The following CTTNBP2 variants were observed in gnomAD, a reference collection of about 807,000 sequenced individuals.
CTTNBP2 encodes the protein cortactin-binding protein 2.
In CTTNBP2, 108 loss-of-function variants were observed where a neutral mutation model predicts 156.9. That is an observed-to-expected ratio of 0.69 (90% CI 0.59 to 0.81). CTTNBP2 has a LOEUF of 0.81. Ranked by LOEUF, CTTNBP2 falls within the 30% of genes least tolerant of loss-of-function variation. CTTNBP2 has a pLI of 0.00. For synonymous variants in CTTNBP2, 767 were observed against 751.8 expected (o/e 1.02, Z -0.33); for missense variants, 1,924 against 2,035.4 (o/e 0.95, Z 1.05).
rs367646098 is a variant in CTTNBP2 at position 117,821,336 on chromosome 7, TTTG to T, written c.190-10350_190-10348del. The stretch of plus-strand genomic sequence containing the variant: ...ATTATGTTGGCTGTGTGGTTTTTTT[TTTG>T]TTGTTGTTTTTCAGTTTTCTTTTTG... On this transcript the variant is annotated intron_variant, in intron 2 of 22. Coordinates refer to ENST00000160373, the MANE Select transcript of CTTNBP2 (RefSeq NM_033427.3). Among the ~76,000 whole-genome samples, 1,485 of 152,132 alleles carry T rather than the reference TTTG, an allele frequency of 9.8e-3. 22 individuals carry two copies. The highest frequency in any genetic ancestry group is 0.034 in the African/African-American group (1,406 of 41,544).
In CTTNBP2 at chr7:117,839,849, G is replaced by C. The variant is rs532153818; in HGVS notation, c.189+21360C>G. Among the ~76,000 whole-genome samples, 7 of 152,228 alleles carry C rather than the reference G, an allele frequency of 4.6e-5. No individual in the cohort carries two copies. The South Asian group carries it at 1.5e-3, about 32-fold the overall frequency. On this transcript the variant is annotated intron_variant, in intron 2 of 22. Transcript: ENST00000160373. ...AAAATTTCCCTAAAATAGTTTTAAA[G>C]TAGGCTTTATCTATAAAACTTTTTA...
chr7:117,764,588 A>G (rs1475959418), intron 9 of CTTNBP2, among the ~76,000 whole-genome samples: 1 of 152,184 alleles, frequency 6.6e-6, no homozygotes, highest in Non-Finnish European at 1.5e-5. Context: ...ATGGTTTTAT[A>G]TTATGTGTCC....
chr7:117,861,059 G>C lies in CTTNBP2; in HGVS notation c.189+150C>G, dbSNP rs79577132. 2.5e-3 allele frequency: 1,554 copies of C among 609,934 alleles called. 14 individuals carry two copies. The highest frequency in any genetic ancestry group is 0.022 in the African/African-American group (1,177 of 53,808). The allele number at this position is 609,934 out of a possible 1,614,324, so 37.8% of individuals were successfully genotyped here. ...TTTGTTTGGGCTTATAAAAGTTATGGGTTAGTGTTTGGGGTGAAGAGCACA... is the reference window on the plus strand; with the variant it reads ...TTTGTTTGGGCTTATAAAAGTTATGCGTTAGTGTTTGGGGTGAAGAGCACA... On this transcript the variant is annotated intron_variant, in intron 2 of 22. Coordinates refer to ENST00000160373, the MANE Select transcript of CTTNBP2 (RefSeq NM_033427.3).
At chr7:117,753,904 C>T (rs971544535) in intron 12 of CTTNBP2, among the ~76,000 whole-genome samples, 8 of 152,216 alleles carry the variant, frequency 5.3e-5, no homozygotes, top group Admixed American at 1.3e-4. Context: ...TACCCCAGAA[C>T]GTAAAATAAA....
chr7:117,765,613 C>T (rs1350226127), intron 9 of CTTNBP2, among the ~76,000 whole-genome samples: 1 of 152,176 alleles, frequency 6.6e-6, no homozygotes, highest in Non-Finnish European at 1.5e-5. Flanking sequence ...TCTCCCATAT[C>T]AGTCTTTATT....
intron 22 of CTTNBP2, among the ~76,000 whole-genome samples, chr7:117,717,200 T>TA (rs1794451847): frequency 6.6e-6 from 1 of 152,232 alleles, no homozygotes; most frequent in African/African-American, 2.4e-5. Context: ...TGGAAGCTAT[T>TA]TCAAAAGGTT....
At chr7:117,807,963 A>T (rs1449529008) in intron 3 of CTTNBP2, among the ~76,000 whole-genome samples, 1 of 152,206 alleles carries the variant, frequency 6.6e-6, no homozygotes, top group Non-Finnish European at 1.5e-5. Context: ...ACCAGCTCAA[A>T]ACTAAGAATC....
At chr7:117,813,260 C>T (rs531065745) in intron 2 of CTTNBP2, among the ~76,000 whole-genome samples, 5 of 152,184 alleles carry the variant, frequency 3.3e-5, no homozygotes, top group Non-Finnish European at 7.3e-5. Context: ...TCAATGTAGG[C>T]CATAAATGTA....
chr7:117,758,167 G>A, intron 10 of CTTNBP2, 197 bp from the exon 11 acceptor site: 1 of 553,944 alleles, frequency 1.8e-6, no homozygotes, highest in East Asian at 2.9e-5. Flanking sequence ...TGAAAGGAAG[G>A]CTTTCAATCT....
intron 2 of CTTNBP2, among the ~76,000 whole-genome samples, chr7:117,811,361 C>T (rs1276704860): frequency 6.6e-6 from 1 of 152,060 alleles, no homozygotes; most frequent in Admixed American, 6.6e-5. Context: ...AATGCAGTGG[C>T]ACAATCACAG....
At chr7:117,850,348 GA>G (rs1358199183) in intron 2 of CTTNBP2, among the ~76,000 whole-genome samples, 1 of 152,194 alleles carries the variant, frequency 6.6e-6, no homozygotes, top group African/African-American at 2.4e-5. Flanking sequence ...GGTTGACAGA[GA>G]CCCCTTCTTA....
chr7:117,840,100 G>C (rs1420581090), intron 2 of CTTNBP2, among the ~76,000 whole-genome samples: 1 of 151,908 alleles, frequency 6.6e-6, no homozygotes, highest in African/African-American at 2.4e-5. Context: ...AAATATCTAG[G>C]GTATATTTTA....
chr7:117,780,874 G>A (rs1450027684), intron 6 of CTTNBP2, among the ~76,000 whole-genome samples: 2 of 152,152 alleles, frequency 1.3e-5, no homozygotes, highest in Admixed American at 6.5e-5. Flanking sequence ...ACTTGTGAAA[G>A]TAGAGTCCTT....
chr7:117,770,020 C>T (rs1187944759), intron 8 of CTTNBP2, among the ~76,000 whole-genome samples: 1 of 152,194 alleles, frequency 6.6e-6, no homozygotes, highest in East Asian at 1.9e-4. Context: ...TTCTTATATT[C>T]TTGGCCTGTA....
At chr7:117,789,072 A>C (rs1471801705) in intron 4 of CTTNBP2, among the ~76,000 whole-genome samples, 1 of 152,162 alleles carries the variant, frequency 6.6e-6, no homozygotes, top group Admixed American at 6.5e-5. Context: ...CTTTTATGTA[A>C]AATTTTACTG....
intron 2 of CTTNBP2, among the ~76,000 whole-genome samples, chr7:117,836,793 A>G (rs1270867977): frequency 1.3e-5 from 2 of 152,198 alleles, no homozygotes; most frequent in Non-Finnish European, 1.5e-5. Flanking sequence ...GCAAGAGAGA[A>G]AATGAGAACC....
chr7:117,820,277 A>G (rs1800877839), intron 2 of CTTNBP2, among the ~76,000 whole-genome samples: 1 of 152,246 alleles, frequency 6.6e-6, no homozygotes, highest in Non-Finnish European at 1.5e-5. Context: ...GACTCCAGAC[A>G]GCCACCACCT....
chr7:117,748,142 A>C (rs1430126760), intron 12 of CTTNBP2, among the ~76,000 whole-genome samples: 1 of 152,194 alleles, frequency 6.6e-6, no homozygotes, highest in Non-Finnish European at 1.5e-5. Context: ...GCCTCTAAGC[A>C]GTAAGGCAAT....
chr7:117,776,875 T>C (rs1182864182), intron 8 of CTTNBP2, among the ~76,000 whole-genome samples: 2 of 152,218 alleles, frequency 1.3e-5, no homozygotes, highest in Non-Finnish European at 2.9e-5. Context: ...AAGTGATCCT[T>C]GCAAATGTTA....
Sources: gnomAD v4.1 joint callset for allele counts (sites outside exome capture counted in the v4.1 genomes callset) on GRCh38, gnomAD v4.1.1 for gene constraint, MANE v1.5 for transcripts, NCBI Gene and HGNC (gene_info 2026-07-23, HGNC 2026-07-21) for gene names.